Variants in SLIT3 observed in about 807,000 individuals in gnomAD.
The protein encoded by SLIT3 is slit guidance ligand 3.
Under a neutral mutation model 184.0 loss-of-function variants are expected in SLIT3, and 68 were observed. The ratio of observed to expected loss-of-function variants is 0.37; its 90% CI spans 0.30 to 0.45. SLIT3 has a LOEUF of 0.45. Among genes scored for constraint, SLIT3 ranks in the 20% least tolerant of loss-of-function variants. The pLI, the probability that SLIT3 is intolerant of heterozygous loss-of-function variation, is 1.00. For synonymous variants in SLIT3, 831 were observed against 828.6 expected, an observed-to-expected ratio of 1.00 and a Z score of -0.05; for missense variants, 1,707 against 2,026.0, an observed-to-expected ratio of 0.84 and a Z score of 3.02.
chr5:168,729,881 C>T (rs1042298592), intron 20 of SLIT3, among the ~76,000 whole-genome samples: 1 of 151,956 alleles, frequency 6.6e-6, no homozygotes, highest in Admixed American at 6.5e-5. Context: ...TCAATACTAA[C>T]CCTGAATATA....
intron 35 of SLIT3, among the ~76,000 whole-genome samples, chr5:168,667,384 T>C (rs780086352): frequency 5.3e-5 from 8 of 152,234 alleles, no homozygotes; most frequent in Admixed American, 1.3e-4. Flanking sequence ...ACATTTGTAT[T>C]CAAAAGGCAT....
At chr5:169,292,305 A>G (rs1398121963) in intron 1 of SLIT3, among the ~76,000 whole-genome samples, 1 of 152,244 alleles carries the variant, frequency 6.6e-6, no homozygotes, top group East Asian at 1.9e-4. Context: ...CATGCGTCAT[A>G]TCCTGTGTTG....
At chr5:169,018,170 A>G (rs1226022616) in intron 4 of SLIT3, among the ~76,000 whole-genome samples, 1 of 152,230 alleles carries the variant, frequency 6.6e-6, no homozygotes, top group Admixed American at 6.5e-5. Flanking sequence ...AAACTGAGGC[A>G]GATCCCTGGG....
At chr5:168,838,148 G>A (rs867759752) in intron 6 of SLIT3, among the ~76,000 whole-genome samples, 1 of 152,184 alleles carries the variant, frequency 6.6e-6, no homozygotes, top group Non-Finnish European at 1.5e-5. Context: ...TGTTCCGGTA[G>A]GTGCTTTTAA....
In SLIT3 at chr5:169,058,974, C is replaced by T. The variant is rs540024846; in HGVS notation, c.413+134505G>A. Reference sequence around the variant, plus strand: ...TTGCACAAACCAAACATAGTAAGGACGTTGCAGTGTCCAAAGCCAGGGACC... The same window carrying T: ...TTGCACAAACCAAACATAGTAAGGATGTTGCAGTGTCCAAAGCCAGGGACC... On this transcript the variant is annotated intron_variant, in intron 4 of 35. Coordinates refer to ENST00000519560, the MANE Select transcript of SLIT3 (RefSeq NM_003062.4). Among the ~76,000 whole-genome samples the T allele has an allele frequency of 7.9e-5, 12 of 152,266 alleles. No individual in the cohort carries two copies. In the South Asian group the frequency reaches 1.7e-3, roughly 21 times the overall value.
intron 5 of SLIT3, among the ~76,000 whole-genome samples, chr5:168,869,864 G>A (rs1289277172): frequency 1.3e-5 from 2 of 152,182 alleles, no homozygotes; most frequent in Non-Finnish European, 2.9e-5. Flanking sequence ...TTAGGTTTGC[G>A]CACTTGTGCC....
intron 4 of SLIT3, among the ~76,000 whole-genome samples, chr5:169,091,565 G>A (rs572376015): frequency 2.0e-5 from 3 of 152,318 alleles, no homozygotes; most frequent in South Asian, 2.1e-4. Flanking sequence ...GTTAATTAAC[G>A]AAAGGATAAG....
intron 4 of SLIT3, among the ~76,000 whole-genome samples, chr5:169,072,472 C>T (rs748985664): frequency 2.6e-5 from 4 of 152,204 alleles, no homozygotes; most frequent in Admixed American, 2.6e-4. Context: ...ATTATTCATT[C>T]CAGGTCTCTC....
chr5:169,213,375 A>G (rs941357698), intron 3 of SLIT3, among the ~76,000 whole-genome samples: 12 of 152,190 alleles, frequency 7.9e-5, no homozygotes, highest in East Asian at 3.8e-4. Flanking sequence ...TATAGATTCA[A>G]TGCTATCCCT....
chr5:169,006,820 T>C (rs1467262596), intron 4 of SLIT3, among the ~76,000 whole-genome samples: 5 of 152,212 alleles, frequency 3.3e-5, no homozygotes, highest in Admixed American at 2.6e-4. Flanking sequence ...TTGCTGGACA[T>C]GAGAGTCGAG....
chr5:168,962,953 C>A (rs545352991), intron 4 of SLIT3, among the ~76,000 whole-genome samples: 2 of 152,318 alleles, frequency 1.3e-5, no homozygotes, highest in South Asian at 4.1e-4. Flanking sequence ...CCATCCAAAG[C>A]AAGTCTCCCC....
chr5:168,795,950 G>A (rs556944120), intron 9 of SLIT3, among the ~76,000 whole-genome samples: 1 of 152,330 alleles, frequency 6.6e-6, no homozygotes, highest in African/African-American at 2.4e-5. Flanking sequence ...AGTAAAAAGA[G>A]ATGGACCATG....
intron 12 of SLIT3, among the ~76,000 whole-genome samples, chr5:168,784,684 A>T (rs543264043): frequency 1.7e-4 from 26 of 152,174 alleles, no homozygotes; most frequent in Non-Finnish European, 3.5e-4. Flanking sequence ...CTGGGCATCA[A>T]CCACATAAGA....
At chr5:168,721,477 T>C (rs560931363) in intron 23 of SLIT3, among the ~76,000 whole-genome samples, 39 of 152,318 alleles carry the variant, frequency 2.6e-4, no homozygotes, top group Non-Finnish European at 1.5e-5. Flanking sequence ...TCTGATTTTA[T>C]GGATGAGAAG....
At chr5:168,786,906 G>A (rs908720541) in intron 11 of SLIT3, among the ~76,000 whole-genome samples, 1 of 152,150 alleles carries the variant, frequency 6.6e-6, no homozygotes, top group African/African-American at 2.4e-5. Context: ...GAGTTTGGTT[G>A]TTTTTCTTAA....
chr5:169,035,521 C>T (rs756307488), intron 4 of SLIT3, among the ~76,000 whole-genome samples: 13 of 151,878 alleles, frequency 8.6e-5, no homozygotes, highest in Non-Finnish European at 1.9e-4. Flanking sequence ...TGGTGGCGGG[C>T]ACCTGTAGTC....
intron 4 of SLIT3, among the ~76,000 whole-genome samples, chr5:168,904,938 G>A (rs763538628): frequency 1.3e-4 from 20 of 151,994 alleles, no homozygotes; most frequent in Non-Finnish European, 2.6e-4. Flanking sequence ...AGGCTGAGGC[G>A]GGCAGATTGC....
chr5:168,869,643 C>T (rs1467581655), intron 5 of SLIT3, among the ~76,000 whole-genome samples: 1 of 152,180 alleles, frequency 6.6e-6, no homozygotes, highest in Admixed American at 6.5e-5. Flanking sequence ...TACCCCATCT[C>T]TCAGCCCAAG....
intron 4 of SLIT3, among the ~76,000 whole-genome samples, chr5:168,968,920 A>G (rs923216945): frequency 3.9e-5 from 6 of 152,134 alleles, no homozygotes; most frequent in African/African-American, 1.4e-4. Context: ...CTGTGCACTG[A>G]TGACTTCAGA....
Sources: gnomAD v4.1 joint callset for allele counts (sites outside exome capture counted in the v4.1 genomes callset) on GRCh38, gnomAD v4.1.1 for gene constraint, MANE v1.5 for transcripts, NCBI Gene and HGNC (gene_info 2026-07-23, HGNC 2026-07-21) for gene names.